Variants in CFAP47 observed in about 807,000 individuals in gnomAD.
CFAP47 encodes cilia- and flagella-associated protein 47.
In CFAP47, 29 loss-of-function variants were observed where a neutral mutation model predicts 148.1. The observed-to-expected ratio is 0.20, with a 90% CI of 0.15 to 0.27. The LOEUF (loss-of-function observed/expected upper bound fraction) is 0.27, where lower values mean the gene tolerates loss of function less well. CFAP47 is among the 10% of genes least tolerant of loss of function. CFAP47 has a pLI of 1.00. For synonymous variants in CFAP47, 664 were observed against 577.3 expected (o/e 1.15, Z -2.15); for missense variants, 1,872 against 1,697.5 (o/e 1.10, Z -1.81).
chrX:35,999,856 G>A (rs1490278582), intron 19 of CFAP47, among the ~76,000 whole-genome samples: 1 of 111,822 alleles, frequency 8.9e-6, no homozygotes. Flanking sequence ...AGAAGACCAT[G>A]GTGAACTTTA....
chrX:35,922,519 A>T (rs7056793), intron 1 of CFAP47, among the ~76,000 whole-genome samples: 1,852 of 112,803 alleles, frequency 0.016, 40 homozygotes, highest in African/African-American at 0.057. Flanking sequence ...TCTTGAAACT[A>T]TAGCTTACTT....
chrX:35,959,878 CAAAA>C (rs755201291), intron 8 of CFAP47, among the ~76,000 whole-genome samples: 2 of 30,394 alleles, frequency 6.6e-5, no homozygotes, highest in Non-Finnish European at 1.2e-4. Context: ...GACTCCGTCT[CAAAA>C]AAAAAAAAAA....
chrX:36,199,906 T>C (rs1376103812), intron 42 of CFAP47, among the ~76,000 whole-genome samples: 1 of 111,768 alleles, frequency 8.9e-6, no homozygotes, highest in African/African-American at 3.2e-5. Context: ...CTTAAGCCTT[T>C]TCTACTTCTG....
chrX:36,235,157 A>G (rs1317515694), intron 46 of CFAP47, among the ~76,000 whole-genome samples: 2 of 111,628 alleles, frequency 1.8e-5, no homozygotes, highest in Admixed American at 9.5e-5. Flanking sequence ...GCTGTCAGAC[A>G]GGGACATTTA....
chrX:36,280,851 G>T (rs1484011773), intron 50 of CFAP47, among the ~76,000 whole-genome samples: 1 of 111,670 alleles, frequency 9.0e-6, no homozygotes, highest in East Asian at 2.8e-4. Context: ...AGCTAGAAGG[G>T]TGCCCACTCT....
chrX:35,927,887 G>GT (rs777713565), intron 2 of CFAP47, among the ~76,000 whole-genome samples: 1 of 109,418 alleles, frequency 9.1e-6, no homozygotes, highest in African/African-American at 3.3e-5. Flanking sequence ...GTAGCCTTCT[G>GT]TTTTTTTCTT....
chrX:36,065,616 A>G, intron 26 of CFAP47, 27 bp from the exon 27 acceptor site: 6 of 967,089 alleles, frequency 6.2e-6, no homozygotes, highest in South Asian at 2.0e-5. Flanking sequence ...TTTTTATTGT[A>G]TTGAAATGCA....
At chrX:35,989,584 T>G in intron 16 of CFAP47, 135 bp downstream of exon 16, 1 of 1,150,439 alleles carries the variant, frequency 8.7e-7, no homozygotes. Context: ...CTAGTTTTTT[T>G]GTTAGAGCCT....
chrX:35,970,547 C>T (rs773519947), intron 10 of CFAP47, among the ~76,000 whole-genome samples: 3 of 110,452 alleles, frequency 2.7e-5, no homozygotes, highest in Non-Finnish European at 3.8e-5. Context: ...GACCTTACAA[C>T]GGATTTTTTT....
chrX:35,961,551 A>G (rs758324523), intron 8 of CFAP47, among the ~76,000 whole-genome samples: 2 of 110,917 alleles, frequency 1.8e-5, no homozygotes, highest in South Asian at 3.7e-4. Flanking sequence ...TCAGTAGTTT[A>G]TGTCTTTCTC....
At chrX:36,275,354 A>G (rs1941003746) in intron 49 of CFAP47, among the ~76,000 whole-genome samples, 1 of 109,780 alleles carries the variant, frequency 9.1e-6, no homozygotes, top group Admixed American at 9.8e-5. Flanking sequence ...GACTACAGGC[A>G]TGAACCACCA....
At chrX:36,166,699 T>G (rs1939494642) in intron 39 of CFAP47, among the ~76,000 whole-genome samples, 1 of 111,567 alleles carries the variant, frequency 9.0e-6, no homozygotes, top group Non-Finnish European at 1.9e-5. Flanking sequence ...TTGTAGACAA[T>G]ATATTATGCC....
At chrX:36,097,170 C>A (rs1938293741) in intron 30 of CFAP47, among the ~76,000 whole-genome samples, 1 of 111,487 alleles carries the variant, frequency 9.0e-6, no homozygotes, top group Admixed American at 9.5e-5. Context: ...CGCTTTTTAA[C>A]TTTTGTTGTT....
At chrX:36,321,305 T>C (rs782001358) in intron 57 of CFAP47, among the ~76,000 whole-genome samples, 74 of 111,199 alleles carry the variant, frequency 6.7e-4, no homozygotes, top group African/African-American at 2.3e-3. Context: ...ATTTGTGGGA[T>C]CTAAAAATAA....
intron 1 of CFAP47, among the ~76,000 whole-genome samples, chrX:35,925,737 A>G (rs1251223745): frequency 2.7e-5 from 3 of 111,632 alleles, no homozygotes; most frequent in African/African-American, 9.8e-5. Context: ...GCTCACTGCA[A>G]TCTCCACCTT....
At chrX:36,285,076 A>G (rs1556004290) in intron 50 of CFAP47, among the ~76,000 whole-genome samples, 3 of 111,390 alleles carry the variant, frequency 2.7e-5, no homozygotes. Context: ...AGCAAGATAT[A>G]AAAATAATTG....
At chrX:35,990,517 C>T (rs901522845) in intron 16 of CFAP47, among the ~76,000 whole-genome samples, 2 of 111,174 alleles carry the variant, frequency 1.8e-5, no homozygotes, top group African/African-American at 3.3e-5. Flanking sequence ...CCCCATTTTT[C>T]GATAAGCAAA....
chrX:36,120,168 ATT>A (rs373069862), intron 33 of CFAP47, among the ~76,000 whole-genome samples: 1 of 98,002 alleles, frequency 1.0e-5, no homozygotes. Flanking sequence ...CACCCAGGTA[ATT>A]TTTTTTTTTT....
At chrX:36,078,083 G>A (rs1270995805) in intron 29 of CFAP47, among the ~76,000 whole-genome samples, 1 of 111,625 alleles carries the variant, frequency 9.0e-6, no homozygotes, top group African/African-American at 3.3e-5. Flanking sequence ...CATTGAGGCA[G>A]TAGAAAAACT....
Sources: gnomAD v4.1 joint callset for allele counts (sites outside exome capture counted in the v4.1 genomes callset) on GRCh38, gnomAD v4.1.1 for gene constraint, MANE v1.5 for transcripts, NCBI Gene and HGNC (gene_info 2026-07-23, HGNC 2026-07-21) for gene names.